Variants in CAMK4 observed in about 807,000 individuals in gnomAD.
CAMK4 encodes calcium/calmodulin-dependent protein kinase type IV.
In CAMK4, 22 loss-of-function variants were observed where a neutral mutation model predicts 44.9. That is an observed-to-expected ratio of 0.49 (90% CI 0.35 to 0.70). The LOEUF (loss-of-function observed/expected upper bound fraction) is 0.70. CAMK4 is among the 30% of genes least tolerant of loss of function. The pLI is 0.01. For synonymous variants in CAMK4, 218 were observed against 215.4 expected (o/e 1.01, Z -0.11); for missense variants, 498 against 586.8 (o/e 0.85, Z 1.56).
intron 2 of CAMK4, among the ~76,000 whole-genome samples, chr5:111,360,726 G>A (rs941898173): frequency 1.3e-5 from 2 of 152,048 alleles, no homozygotes; most frequent in Admixed American, 6.6e-5. Flanking sequence ...ATGCTGGGAA[G>A]GACTGAGCTG....
chr5:111,380,656 C>A (rs904714775), intron 4 of CAMK4, among the ~76,000 whole-genome samples: 1 of 152,112 alleles, frequency 6.6e-6, no homozygotes, highest in African/African-American at 2.4e-5. Flanking sequence ...AGGATAATGG[C>A]CTCCATTTCC....
At chr5:111,308,909 C>T (rs1277980623) in intron 1 of CAMK4, among the ~76,000 whole-genome samples, 3 of 151,936 alleles carry the variant, frequency 2.0e-5, no homozygotes, top group Non-Finnish European at 4.4e-5. Context: ...TTCTATTTGC[C>T]ATATGGGGAT....
intron 1 of CAMK4, among the ~76,000 whole-genome samples, chr5:111,277,082 T>G (rs79481499): frequency 0.014 from 2,176 of 152,290 alleles, 48 homozygotes; most frequent in African/African-American, 0.05. Flanking sequence ...TAGCCCAAAA[T>G]GTACTATTGA....
intron 5 of CAMK4, among the ~76,000 whole-genome samples, chr5:111,442,082 A>G (rs1270292811): frequency 6.6e-6 from 1 of 152,200 alleles, no homozygotes; most frequent in East Asian, 1.9e-4. Context: ...TGATCTTTTT[A>G]TGTCTTCAGA....
intron 1 of CAMK4, among the ~76,000 whole-genome samples, chr5:111,326,532 G>C (rs1748894522): frequency 6.6e-6 from 1 of 150,964 alleles, no homozygotes; most frequent in Non-Finnish European, 1.5e-5. Context: ...AGTAAATAAT[G>C]CCAGTATTAC....
chr5:111,488,230 G>A lies in CAMK4; in HGVS notation c.*3764G>A, dbSNP rs1332787154. ...CTAATGAACCATACCAAATCTGCAT[G>A]ATGAAGATTGTGTAATGATGGTGAT... On this transcript the variant is annotated 3_prime_UTR_variant, in exon 11 of 11. Coordinates refer to ENST00000282356, the MANE Select transcript of CAMK4 (RefSeq NM_001744.6). The A allele has an allele frequency of 6.6e-6, 1 of 152,196 alleles. No homozygotes were observed. The highest frequency in any genetic ancestry group is 6.5e-5 in the Admixed American group (1 of 15,280). The allele number at this position is 152,196 out of a possible 1,614,324, so 9.4% of individuals were successfully genotyped here. A position where few individuals can be genotyped will look rare whatever the true frequency, so the allele number is the denominator to read the frequency against.
chr5:111,441,640 TTC>T (rs1753827006), intron 5 of CAMK4, among the ~76,000 whole-genome samples: 1 of 152,224 alleles, frequency 6.6e-6, no homozygotes. Context: ...GTTTGTTTTT[TTC>T]TGTTTTCTTG....
intron 1 of CAMK4, among the ~76,000 whole-genome samples, chr5:111,296,741 T>C (rs962218779): frequency 1.3e-5 from 2 of 152,174 alleles, no homozygotes; most frequent in African/African-American, 4.8e-5. Flanking sequence ...ATCAGCTTCA[T>C]GAGGATACTA....
At chr5:111,469,179 A>AAAAAAT (rs1754973748) in intron 7 of CAMK4, among the ~76,000 whole-genome samples, 1 of 60,646 alleles carries the variant, frequency 1.6e-5, no homozygotes, top group African/African-American at 7.6e-5. Context: ...AAAAATATAT[A>AAAAAAT]TATATATATA....
intron 5 of CAMK4, among the ~76,000 whole-genome samples, chr5:111,446,113 A>T (rs1754019231): frequency 6.6e-6 from 1 of 152,370 alleles, no homozygotes; most frequent in Non-Finnish European, 1.5e-5. Context: ...AGCTTTCAAC[A>T]TCTATATTGA....
intron 1 of CAMK4, among the ~76,000 whole-genome samples, chr5:111,296,609 ACT>A (rs1435340090): frequency 2.0e-5 from 3 of 152,216 alleles, no homozygotes; most frequent in African/African-American, 7.2e-5. Context: ...AAATAGGACA[ACT>A]CTATAAATGA....
chr5:111,336,454 A>G (rs1259586756), intron 1 of CAMK4, among the ~76,000 whole-genome samples: 2 of 145,852 alleles, frequency 1.4e-5, no homozygotes, highest in Non-Finnish European at 1.5e-5. Context: ...TAAGTCAACT[A>G]TTTAATTTCA....
chr5:111,459,518 A>G (rs1035404217), intron 7 of CAMK4, among the ~76,000 whole-genome samples: 6 of 152,108 alleles, frequency 3.9e-5, no homozygotes, highest in African/African-American at 1.2e-4. Flanking sequence ...AAAACTGCCT[A>G]TATACTCTAT....
chr5:111,259,742 G>A (rs1749900569), intron 1 of CAMK4, among the ~76,000 whole-genome samples: 1 of 152,156 alleles, frequency 6.6e-6, no homozygotes, highest in African/African-American at 2.4e-5. Context: ...CTAATTAAAA[G>A]TATTACAAAA....
intron 1 of CAMK4, among the ~76,000 whole-genome samples, chr5:111,234,072 G>A (rs534494630): frequency 6.6e-6 from 1 of 152,248 alleles, no homozygotes; most frequent in South Asian, 2.1e-4. Context: ...AGGTACGTTA[G>A]TGTACACAGT....
chr5:111,260,085 CA>C (rs1450669330), intron 1 of CAMK4, among the ~76,000 whole-genome samples: 1 of 152,054 alleles, frequency 6.6e-6, no homozygotes, highest in African/African-American at 2.4e-5. Flanking sequence ...TTTTGAAAGA[CA>C]AAATAAATGT....
chr5:111,454,040 A>G (rs918045209), intron 7 of CAMK4, among the ~76,000 whole-genome samples: 3 of 152,214 alleles, frequency 2.0e-5, no homozygotes, highest in African/African-American at 7.2e-5. Context: ...CACAGGAGAG[A>G]CAGGCTCTCT....
rs146783293 is a variant in CAMK4 at position 111,259,923 on chromosome 5, C to T, written c.161+35279C>T. On this transcript the variant is annotated intron_variant, in intron 1 of 10. Coordinates refer to ENST00000282356, the MANE Select transcript of CAMK4 (RefSeq NM_001744.6). ...CCAGTTGAAGATCAATCAAAAGTGA[C>T]ATCGAGTGTTTCTGAACGCTTTAGA... 5.3e-3 allele frequency among the ~76,000 whole-genome samples: 801 copies of T among 152,234 alleles called. 5 individuals are homozygous for T. Among genetic ancestry groups the T allele is most frequent in the African/African-American group, 0.018 (761 of 41,544 alleles).
At chr5:111,238,433 T>A (rs192156527) in intron 1 of CAMK4, among the ~76,000 whole-genome samples, 1 of 152,100 alleles carries the variant, frequency 6.6e-6, no homozygotes, top group African/African-American at 2.4e-5. Context: ...CTCTCATCAC[T>A]GACCATGGAG....
Sources: allele counts gnomAD v4.1 joint callset (sites outside exome capture counted in the v4.1 genomes callset), GRCh38; gene constraint gnomAD v4.1.1; transcripts MANE v1.5; gene names NCBI Gene and HGNC (gene_info 2026-07-23, HGNC 2026-07-21).